Variants in SPECC1 observed in about 807,000 individuals in gnomAD.
The protein encoded by SPECC1 is sperm antigen with calponin homology and coiled-coil domains 1, also known as cytospin-B.
SPECC1 carries 62 observed loss-of-function variants against 104.1 expected under a neutral mutation model. That is an observed-to-expected ratio of 0.60 (90% CI 0.49 to 0.74). SPECC1 has a LOEUF of 0.74. SPECC1 is among the 30% of genes least tolerant of loss of function. The pLI is 0.00. For missense variants in SPECC1, 1,306 were observed against 1,310.5 expected, an observed-to-expected ratio of 1.00 and a Z score of 0.05; for synonymous variants, 513 against 501.6, an observed-to-expected ratio of 1.02 and a Z score of -0.30.
At chr17:20,039,861 G>T (rs1344776209) in intron 1 of SPECC1, among the ~76,000 whole-genome samples, 1 of 152,124 alleles carries the variant, frequency 6.6e-6, no homozygotes, top group Non-Finnish European at 1.5e-5. Context: ...TCAGCCCAAA[G>T]CAGGTTTCTT....
At chr17:20,113,798 C>T (rs1403971598) in intron 3 of SPECC1, among the ~76,000 whole-genome samples, 1 of 152,228 alleles carries the variant, frequency 6.6e-6, no homozygotes, top group Non-Finnish European at 1.5e-5. Context: ...TGTCTATTCA[C>T]ACTATTAGCC....
At chr17:20,132,707 G>T (rs1235880077) in intron 3 of SPECC1, among the ~76,000 whole-genome samples, 2 of 144,400 alleles carry the variant, frequency 1.4e-5, no homozygotes, top group East Asian at 1.9e-4. Context: ...CAAATTTTAT[G>T]TGTAGTTATT....
intron 4 of SPECC1, among the ~76,000 whole-genome samples, chr17:20,219,331 AATAAAAGTCATGACTTTTGG>A (rs1264867116): frequency 3.9e-5 from 6 of 152,096 alleles, no homozygotes; most frequent in African/African-American, 7.2e-5. Flanking sequence ...ATGACTTTTG[AATAAAAGTCATGACTTTTGG>A]ATAAAAGCCA....
At chr17:20,137,657 T>G (rs1264168515) in intron 3 of SPECC1, among the ~76,000 whole-genome samples, 1 of 152,106 alleles carries the variant, frequency 6.6e-6, no homozygotes, top group Non-Finnish European at 1.5e-5. Flanking sequence ...AAATTAAATC[T>G]TTATTTTATT....
At chr17:20,183,774 T>C (rs1392454738) in intron 3 of SPECC1, among the ~76,000 whole-genome samples, 16 of 152,094 alleles carry the variant, frequency 1.1e-4, no homozygotes, top group Non-Finnish European at 2.9e-5. Context: ...TACCCATCCC[T>C]TTTTCCCCCA....
At chr17:20,011,987 A>G (rs2043960198) in intron 1 of SPECC1, among the ~76,000 whole-genome samples, 1 of 152,084 alleles carries the variant, frequency 6.6e-6, no homozygotes, top group South Asian at 2.1e-4. Flanking sequence ...GCAATGATCA[A>G]TTTTCTGTTT....
chr17:20,227,280 G>T, intron 4 of SPECC1, 133 bp from the exon 5 acceptor site: 1 of 748,422 alleles, frequency 1.3e-6, no homozygotes, highest in Middle Eastern at 3.7e-4. Flanking sequence ...TTTTATTTTA[G>T]ATTGAAGAGG....
In SPECC1 at chr17:20,296,944, A is replaced by C. The variant is rs777531998; in HGVS notation, c.2941-17A>C. Reference sequence around the variant, plus strand: ...TTTGCAATAGTTCTTGTTTATTACTACTTTTCTCTCCTGCAGAACATTGAC... The same window carrying C: ...TTTGCAATAGTTCTTGTTTATTACTCCTTTTCTCTCCTGCAGAACATTGAC... On this transcript the variant is annotated splice_polypyrimidine_tract_variant and intron_variant, in intron 12 of 14. Transcript: ENST00000395527. 2.0e-5 allele frequency: 33 copies of C among 1,611,754 alleles called. No homozygotes were observed. Among genetic ancestry groups the C allele is most frequent in the Non-Finnish European group, 2.7e-5 (32 of 1,177,942 alleles).
At chr17:20,202,687 G>C (rs1281368978) in intron 3 of SPECC1, among the ~76,000 whole-genome samples, 1 of 152,030 alleles carries the variant, frequency 6.6e-6, no homozygotes, top group African/African-American at 2.4e-5. Context: ...TGTGTTAACT[G>C]TTTATGTTTT....
At chr17:20,055,881 T>A (rs1379531861) in intron 1 of SPECC1, among the ~76,000 whole-genome samples, 2 of 152,204 alleles carry the variant, frequency 1.3e-5, no homozygotes, top group Non-Finnish European at 1.5e-5. Context: ...TGTGCTCAGC[T>A]GTTTCAGTGC....
intron 2 of SPECC1, among the ~76,000 whole-genome samples, chr17:20,101,672 C>G (rs1408656380): frequency 6.6e-6 from 1 of 152,154 alleles, no homozygotes; most frequent in East Asian, 1.9e-4. Flanking sequence ...TTGGGGTCCT[C>G]TTGGTTGCAA....
At chr17:20,203,069 C>A (rs2036537440) in intron 3 of SPECC1, among the ~76,000 whole-genome samples, 1 of 152,052 alleles carries the variant, frequency 6.6e-6, no homozygotes, top group African/African-American at 2.4e-5. Context: ...GGGTTTACAG[C>A]TGCCCATCTT....
intron 7 of SPECC1, among the ~76,000 whole-genome samples, chr17:20,239,615 TC>T (rs2039101192): frequency 6.6e-6 from 1 of 152,098 alleles, no homozygotes; most frequent in African/African-American, 2.4e-5. Context: ...ATAATAGCAG[TC>T]CTTATTCATA....
At chr17:20,013,775 T>A (rs1456689101) in intron 1 of SPECC1, among the ~76,000 whole-genome samples, 1 of 152,106 alleles carries the variant, frequency 6.6e-6, no homozygotes, top group Non-Finnish European at 1.5e-5. Flanking sequence ...AGTGCTGAGA[T>A]TACAGGCATG....
At chr17:20,275,273 T>C (rs1441668887) in intron 12 of SPECC1, among the ~76,000 whole-genome samples, 3 of 152,226 alleles carry the variant, frequency 2.0e-5, no homozygotes, top group Non-Finnish European at 1.5e-5. Context: ...ATGTGAAATA[T>C]ACGATTTTTT....
chr17:20,251,237 A>AAAAAAAAAAAAAAAAAAAAAC (rs1567984604), intron 9 of SPECC1, among the ~76,000 whole-genome samples: 1 of 149,882 alleles, frequency 6.7e-6, no homozygotes, highest in African/African-American at 2.5e-5. Context: ...AAAAAAAAAA[A>AAAAAAAAAAAAAAAAAAAAAC]AAAAGCATAT....
intron 12 of SPECC1, among the ~76,000 whole-genome samples, chr17:20,271,283 C>A (rs989607003): frequency 2.0e-5 from 3 of 151,878 alleles, no homozygotes; most frequent in Non-Finnish European, 2.9e-5. Flanking sequence ...TCTAGTTTTT[C>A]ATTTTAGATG....
intron 12 of SPECC1, among the ~76,000 whole-genome samples, chr17:20,282,128 C>T (rs2040791629): frequency 6.6e-6 from 1 of 152,262 alleles, no homozygotes; most frequent in South Asian, 2.1e-4. Context: ...AGCCAGTTAA[C>T]CTCGGGGAAG....
At chr17:20,011,290 C>G (rs1042383983) in intron 1 of SPECC1, among the ~76,000 whole-genome samples, 1 of 152,046 alleles carries the variant, frequency 6.6e-6, no homozygotes, top group Non-Finnish European at 1.5e-5. Context: ...TATTTAATTA[C>G]CTTTTCATTT....
Sources: gnomAD v4.1 joint callset for allele counts (sites outside exome capture counted in the v4.1 genomes callset) on GRCh38, gnomAD v4.1.1 for gene constraint, MANE v1.5 for transcripts, NCBI Gene and HGNC (gene_info 2026-07-23, HGNC 2026-07-21) for gene names.